The following ATF7 variants were observed in gnomAD, a reference collection of about 807,000 sequenced individuals.
ATF7 encodes the protein activating transcription factor 7.
In ATF7, 10 loss-of-function variants were observed where a neutral mutation model predicts 50.4. The ratio of observed to expected loss-of-function variants is 0.20; its 90% CI spans 0.12 to 0.34. ATF7 has a LOEUF of 0.34. Among genes scored for constraint, ATF7 ranks in the 10% least tolerant of loss-of-function variants. The probability of loss-of-function intolerance (pLI) is 1.00; values close to 1 mark genes in which losing one functional copy is unlikely to be tolerated. For synonymous variants in ATF7, 201 were observed against 226.4 expected (o/e 0.89, Z 1.01); for missense variants, 465 against 613.9 (o/e 0.76, Z 2.56).
intron 1 of ATF7, among the ~76,000 whole-genome samples, chr12:53,606,825 G>C (rs1305223190): frequency 6.8e-6 from 1 of 146,776 alleles, no homozygotes; most frequent in Non-Finnish European, 1.5e-5. Context: ...TTGGTTTTTT[G>C]TCTTTGCGAT....
Position 53,517,020 on chromosome 12 carries a change from A to G in ATF7, c.*117T>C. ...CATATCTGTCCATTACTCACAACAC[A>G]CAATTCCCCCCACCCATATTGCCAT... On this transcript the variant is annotated 3_prime_UTR_variant, in exon 12 of 12. Coordinates refer to ENST00000420353, the MANE Select transcript of ATF7 (RefSeq NM_006856.3). The G allele has an allele frequency of 8.7e-6, 10 of 1,155,274 alleles. No individual in the cohort carries two copies. Among genetic ancestry groups the G allele is most frequent in the Non-Finnish European group, 1.2e-5 (10 of 801,704 alleles). 71.6% of individuals were successfully genotyped at this position (1,155,274 alleles called of 1,614,324 possible).
intron 1 of ATF7, among the ~76,000 whole-genome samples, chr12:53,613,036 T>G (rs1801790878): frequency 6.6e-6 from 1 of 152,054 alleles, no homozygotes; most frequent in Non-Finnish European, 1.5e-5. Context: ...GGCCAATGCA[T>G]TTTTAAAAAA....
At chr12:53,608,726 C>G (rs560110372) in intron 1 of ATF7, among the ~76,000 whole-genome samples, 1 of 152,282 alleles carries the variant, frequency 6.6e-6, no homozygotes, top group South Asian at 2.1e-4. Flanking sequence ...GCAAACAGCT[C>G]TCTTTTAAAC....
Position 53,523,330 on chromosome 12 carries a change from C to T in ATF7, c.1180G>A (p.Ala394Thr). ...GCAGTGACTGGGCAGTCTTTATGAG[C>T]TAACAGTAGCTGTTTCAACTGGGCC... ...EVAQLKQLLL[A>T]HKDCPVTALQ... The change falls in exon 11 of 12, where the codon GCT becomes ACT. Residue 394 changes from alanine to threonine, a missense_variant. By Grantham distance (58) the Ala-to-Thr change is moderately conservative. Coordinates refer to ENST00000420353, the MANE Select transcript of ATF7 (RefSeq NM_006856.3). 1 of 1,614,056 alleles carries T rather than the reference C, an allele frequency of 6.2e-7. No individual in the cohort carries two copies. Among genetic ancestry groups the T allele is most frequent in the Non-Finnish European group, 8.5e-7 (1 of 1,179,956 alleles).
chr12:53,578,112 G>A (rs1370455528), intron 2 of ATF7, among the ~76,000 whole-genome samples: 2 of 152,114 alleles, frequency 1.3e-5, no homozygotes, highest in Non-Finnish European at 1.5e-5. Flanking sequence ...GGCCACATGT[G>A]GTGTGGCTCA....
chr12:53,546,692 T>C (rs11837016), intron 3 of ATF7, among the ~76,000 whole-genome samples: 143,889 of 151,608 alleles, frequency 0.95, 68,703 homozygotes, highest in East Asian at 1. Context: ...TCAAGTGATC[T>C]GCCTGCCTCA....
At chr12:53,610,202 T>C (rs576220599) in intron 1 of ATF7, among the ~76,000 whole-genome samples, 3 of 152,128 alleles carry the variant, frequency 2.0e-5, no homozygotes, top group Non-Finnish European at 2.9e-5. Flanking sequence ...AAAATATATA[T>C]AGACAAAAAA....
intron 1 of ATF7, among the ~76,000 whole-genome samples, chr12:53,622,197 G>A (rs756043148): frequency 1.3e-5 from 2 of 152,040 alleles, no homozygotes; most frequent in Non-Finnish European, 2.9e-5. Flanking sequence ...AGCTACTCAG[G>A]AGGCTAAGGG....
intron 1 of ATF7, among the ~76,000 whole-genome samples, chr12:53,611,501 T>A (rs1487374065): frequency 6.6e-6 from 1 of 152,198 alleles, no homozygotes; most frequent in African/African-American, 2.4e-5. Context: ...ATAGTATATA[T>A]GATGAGTTAG....
Position 53,519,913 on chromosome 12 carries a change from A to AT in ATF7, c.1235-2560dup, listed in dbSNP as rs901162241. Among the ~76,000 whole-genome samples the AT allele has an allele frequency of 9.6e-4, 146 of 151,684 alleles. 1 individual carries two copies. Among genetic ancestry groups the AT allele is most frequent in the Admixed American group, 9.4e-3 (143 of 15,218 alleles). ...AGATGCACGCCACCATGCCTGGCTG[A>AT]TTTTTTTTATTTTTAGTAGAGATGG... On this transcript the variant is annotated intron_variant, in intron 11 of 11. Transcript: ENST00000420353.
At chr12:53,554,150 A>G (rs1014465210) in intron 2 of ATF7, among the ~76,000 whole-genome samples, 1 of 152,088 alleles carries the variant, frequency 6.6e-6, no homozygotes, top group Non-Finnish European at 1.5e-5. Flanking sequence ...TTTATCTTTG[A>G]GACGGAGTCT....
chr12:53,543,383 C>G lies in ATF7; in HGVS notation c.211G>C (p.Ala71Pro). Residue 71 changes from alanine (A) to proline (P), a missense_variant, in exon 4 of 12, where the codon GCT becomes CCT. By Grantham distance (27) the Ala-to-Pro change is conservative. Coordinates refer to ENST00000420353, the MANE Select transcript of ATF7 (RefSeq NM_006856.3). ...CEEVGLFNEL[A>P]SSFEHEFKKA... ...TTGAATTCATGTTCAAAGGAGCTAGCTAGTTCATTGAAGAGTCCCACCTCC... is the reference window on the plus strand; with the variant it reads ...TTGAATTCATGTTCAAAGGAGCTAGGTAGTTCATTGAAGAGTCCCACCTCC... 1.9e-6 allele frequency: 3 copies of G among 1,602,172 alleles called. No homozygotes were observed. Among genetic ancestry groups the G allele is most frequent in the Non-Finnish European group, 2.6e-6 (3 of 1,173,636 alleles).
At chr12:53,599,854 A>G (rs982572162) in intron 2 of ATF7, among the ~76,000 whole-genome samples, 7 of 152,222 alleles carry the variant, frequency 4.6e-5, no homozygotes, top group African/African-American at 1.7e-4. Context: ...AAATTAATGA[A>G]GGCAAATAAA....
chr12:53,571,052 G>C (rs541498630), intron 2 of ATF7, among the ~76,000 whole-genome samples: 35 of 152,278 alleles, frequency 2.3e-4, no homozygotes, highest in Middle Eastern at 3.4e-3. Context: ...GGATTATCCA[G>C]ATGGGCCCTC....
intron 1 of ATF7, among the ~76,000 whole-genome samples, chr12:53,620,814 C>T (rs1944350419): frequency 6.6e-6 from 1 of 151,334 alleles, no homozygotes; most frequent in Admixed American, 6.6e-5. Flanking sequence ...ACAAAAAATC[C>T]CTGCAACTAT....
At chr12:53,576,531 C>T (rs1942075971) in intron 2 of ATF7, among the ~76,000 whole-genome samples, 2 of 152,174 alleles carry the variant, frequency 1.3e-5, no homozygotes, top group South Asian at 4.1e-4. Flanking sequence ...TTACCCTGTC[C>T]TCCAACTGCC....
In ATF7 at chr12:53,517,191, C is replaced by T. The variant is rs1192983306; in HGVS notation, c.1398G>A (p.Met466Ile). Residue 466 changes from methionine to isoleucine, a missense_variant, in exon 12 of 12, where the codon ATG (methionine) becomes ATA (isoleucine). By Grantham distance (10) the Met-to-Ile change is conservative. Transcript: ENST00000420353. ...TCATGATTACATGCGATTGTATCGG[C>T]ATGCTCAGTTCTGTCCTTTGGCTGG... ...QMASQRTELSMPIQSHVIMTP... is the reference protein window; with the variant it reads ...QMASQRTELSIPIQSHVIMTP... The T allele has an allele frequency of 6.2e-7, 1 of 1,614,020 alleles. No homozygotes were observed. Among genetic ancestry groups the T allele is most frequent in the South Asian group, 1.1e-5 (1 of 91,090 alleles).
At chr12:53,609,835 T>TTTTTTTTTTTA (rs1437122101) in intron 1 of ATF7, among the ~76,000 whole-genome samples, 3 of 149,456 alleles carry the variant, frequency 2.0e-5, no homozygotes, top group Non-Finnish European at 3.0e-5. Context: ...TTTTTTTTTT[T>TTTTTTTTTTTA]AGACAGGGTC....
chr12:53,559,237 C>T (rs1592868538), intron 2 of ATF7, among the ~76,000 whole-genome samples: 1 of 150,136 alleles, frequency 6.7e-6, no homozygotes, highest in Non-Finnish European at 1.5e-5. Context: ...TTTCTTTTTT[C>T]TTTTTTTTAG....
Sources: allele counts gnomAD v4.1 joint callset (sites outside exome capture counted in the v4.1 genomes callset), GRCh38; gene constraint gnomAD v4.1.1; transcripts MANE v1.5; gene names NCBI Gene and HGNC (gene_info 2026-07-23, HGNC 2026-07-21).